TLE2: variants seen among roughly 807,000 people sequenced by gnomAD.
TLE2 encodes the protein transducin-like enhancer protein 2.
Under a neutral mutation model 97.2 loss-of-function variants are expected in TLE2, and 74 were observed. The observed-to-expected ratio is 0.76, with a 90% CI of 0.63 to 0.92. The LOEUF is 0.92. Ranked by LOEUF, TLE2 falls within the 40% of genes least tolerant of loss-of-function variation. The probability of loss-of-function intolerance (pLI) is 0.00; values close to 1 mark genes in which losing one functional copy is unlikely to be tolerated. For synonymous variants in TLE2, 499 were observed against 432.1 expected (o/e 1.15, Z -1.92); for missense variants, 1,038 against 1,008.7 (o/e 1.03, Z -0.39).
At chr19:2,998,027 T>G in intron 19 of TLE2, 72 bp from the exon 20 acceptor site, 1 of 1,117,286 alleles carries the variant, frequency 9.0e-7, no homozygotes. Context: ...TGGGCAAGGC[T>G]GGGGCGGAGT....
At chr19:3,036,851 G>A (rs1828233679) in intron 1 of TLE2, among the ~76,000 whole-genome samples, 1 of 152,156 alleles carries the variant, frequency 6.6e-6, no homozygotes, top group African/African-American at 2.4e-5. Context: ...AGACAGCCCA[G>A]CTCTCTCAGA....
intron 11 of TLE2, among the ~76,000 whole-genome samples, chr19:3,012,744 C>A (rs1260162111): frequency 6.6e-6 from 1 of 152,188 alleles, no homozygotes; most frequent in Non-Finnish European, 1.5e-5. Context: ...GCTCTGTTAT[C>A]TCGGCTTCAT....
Position 3,019,577 on chromosome 19 carries a change from G to C in TLE2, c.370-114C>G. 6.6e-7 allele frequency: 1 copy of C among 1,504,626 alleles called. No individual in the cohort carries two copies. Among genetic ancestry groups the C allele is most frequent in the Non-Finnish European group, 8.9e-7 (1 of 1,122,144 alleles). The allele number at this position is 1,504,626 out of a possible 1,614,324, so 93.2% of individuals were successfully genotyped here. ...CCTAAGCACAGCATGTGCCCCTGGG[G>C]TTCCCAGGACCACTGGAGCCAAGGC... On this transcript the variant is annotated intron_variant, in intron 6 of 19. Coordinates refer to ENST00000262953, the MANE Select transcript of TLE2 (RefSeq NM_003260.5). The surrounding 1 kb of genome is among the most constrained non-coding windows in gnomAD (Gnocchi z 5.1).
chr19:3,014,991 A>T (rs1035921993), intron 9 of TLE2, among the ~76,000 whole-genome samples: 2 of 150,254 alleles, frequency 1.3e-5, no homozygotes, highest in Non-Finnish European at 3.0e-5. Flanking sequence ...AATAAATAAA[A>T]TTCATTGCCA....
intron 8 of TLE2, among the ~76,000 whole-genome samples, chr19:3,016,818 G>T (rs541645077): frequency 6.6e-6 from 1 of 151,692 alleles, no homozygotes; most frequent in African/African-American, 2.4e-5. Flanking sequence ...TCGCTCTGTC[G>T]CCCAAGCTGG....
Position 3,008,880 on chromosome 19 carries a change from A to G in TLE2, c.1239T>C (p.Pro413=). 2.5e-6 allele frequency: 4 copies of G among 1,587,068 alleles called. No individual in the cohort carries two copies. Among genetic ancestry groups the G allele is most frequent in the Non-Finnish European group, 3.4e-6 (4 of 1,166,602 alleles). The change falls in exon 14 of 20, where the codon CCT becomes CCC. Residue 413 remains proline (P), a synonymous_variant. Transcript: ENST00000262953. ...ACCCTGGTACTCACGGCTTTCCCCCAGGGATGCTGGGTAGGGAGGAAGAGA... is the reference window on the plus strand; with the variant it reads ...ACCCTGGTACTCACGGCTTTCCCCCGGGGATGCTGGGTAGGGAGGAAGAGA... The part of the protein sequence containing the change: ...SSVSSSLPSI[P]GGKPAYSFHV...
chr19:3,036,382 C>T (rs2145226640), intron 1 of TLE2, among the ~76,000 whole-genome samples: 1 of 152,364 alleles, frequency 6.6e-6, no homozygotes, highest in East Asian at 1.9e-4. Flanking sequence ...CCCGCTCCCT[C>T]CCTGCCGGCT....
chr19:3,041,380 C>T (rs187820131), intron 1 of TLE2, among the ~76,000 whole-genome samples: 55 of 152,250 alleles, frequency 3.6e-4, no homozygotes, highest in African/African-American at 1.3e-3. Flanking sequence ...CATGGCCCTC[C>T]GAATTATGGG....
At position 2,997,650 on chromosome 19, in the gene TLE2, A is replaced by G; in HGVS notation, c.*198T>C. ...CCCGAGAGAGAAGTGCGGATGTGAT[A>G]GATACATTTTATTTCCACCGAGGTC... On this transcript the variant is annotated 3_prime_UTR_variant, in exon 20 of 20. Coordinates refer to ENST00000262953, the MANE Select transcript of TLE2 (RefSeq NM_003260.5). 1.7e-6 allele frequency: 1 copy of G among 580,296 alleles called. No homozygotes were observed. Among genetic ancestry groups the G allele is most frequent in the Non-Finnish European group, 3.1e-6 (1 of 322,566 alleles). 35.9% of individuals were successfully genotyped at this position (580,296 alleles called of 1,614,324 possible). A position where few individuals can be genotyped will look rare whatever the true frequency, so the allele number is the denominator to read the frequency against.
At chr19:2,998,605 G>A (rs1344415517) in intron 19 of TLE2, among the ~76,000 whole-genome samples, 2 of 151,992 alleles carry the variant, frequency 1.3e-5, no homozygotes, top group African/African-American at 4.8e-5. Context: ...GTAGAGACTG[G>A]GTTTCCCCAT....
chr19:3,011,022 C>G lies in TLE2; in HGVS notation c.1012G>C (p.Ala338Pro). The part of the protein sequence containing the change: ...AKPAPSTDSV[A>P]LRSPLTLSSP... ...AGGCACCAACAGGCAAGGTGCTCACCGACGCTGTCCGTGGAAGGTGCTGGC... is the reference window on the plus strand; with the variant it reads ...AGGCACCAACAGGCAAGGTGCTCACGGACGCTGTCCGTGGAAGGTGCTGGC... Residue 338 changes from alanine to proline, a missense_variant and splice_region_variant, in exon 12 of 20, where the codon GCC becomes CCC. Transcript: ENST00000262953. 1.2e-6 allele frequency: 2 copies of G among 1,602,716 alleles called. No individual in the cohort carries two copies. Among genetic ancestry groups the G allele is most frequent in the Non-Finnish European group, 1.7e-6 (2 of 1,175,846 alleles).
intron 9 of TLE2, among the ~76,000 whole-genome samples, chr19:3,015,185 G>C (rs964555334): frequency 6.6e-6 from 1 of 152,118 alleles, no homozygotes; most frequent in Non-Finnish European, 1.5e-5. Flanking sequence ...CTGTAGGTGG[G>C]AGAAGGGGCT....
Position 3,027,861 on chromosome 19 carries a change from A to G in TLE2, c.199T>C (p.Ser67Pro). 1 of 1,611,298 alleles carries G rather than the reference A, an allele frequency of 6.2e-7. No homozygotes were observed. Among genetic ancestry groups the G allele is most frequent in the Non-Finnish European group, 8.5e-7 (1 of 1,178,928 alleles). ...TGCATTTCAATGTTGAGCCCGTACGACATCTCATAATACTGCAAAGGAAAA... is the reference window on the plus strand; with the variant it reads ...TGCATTTCAATGTTGAGCCCGTACGGCATCTCATAATACTGCAAAGGAAAA... ...QRHYVMYYEM[S>P]YGLNIEMHKQ... Residue 67 changes from serine to proline, a missense_variant, in exon 4 of 20, where the codon TCG becomes CCG. Ser to Pro is a moderately conservative substitution (Grantham distance 74). Transcript: ENST00000262953.
chr19:3,043,416 A>G (rs2090119158), intron 1 of TLE2, among the ~76,000 whole-genome samples: 2 of 120,060 alleles, frequency 1.7e-5, no homozygotes, highest in African/African-American at 6.7e-5. Flanking sequence ...TAACCTCGTG[A>G]TCCGCCCGCT....
Position 3,019,857 on chromosome 19 carries a change from G to T in TLE2, c.295-84C>A. On this transcript the variant is annotated intron_variant, in intron 5 of 19. Transcript: ENST00000262953. The surrounding 1 kb of genome is among the most constrained non-coding windows in gnomAD (Gnocchi z 5.1). ...GCCCTTGGGGACCTGACCTCTCCCC[G>T]CCACCCTCTCATCTTTGCCCCGGTA... 6.7e-7 allele frequency: 1 copy of T among 1,492,856 alleles called. No individual in the cohort carries two copies. Among genetic ancestry groups the T allele is most frequent in the Non-Finnish European group, 9.1e-7 (1 of 1,103,886 alleles). The allele number at this position is 1,492,856 out of a possible 1,614,324, so 92.5% of individuals were successfully genotyped here.
intron 14 of TLE2, 115 bp from the exon 15 acceptor site, chr19:3,006,784 T>A: frequency 4.2e-6 from 6 of 1,425,732 alleles, no homozygotes; most frequent in Non-Finnish European, 4.6e-6. Context: ...TGTTTTTTAT[T>A]TTTTGTTTTG....
intron 14 of TLE2, among the ~76,000 whole-genome samples, chr19:3,007,935 A>C (rs963241240): frequency 2.0e-5 from 3 of 151,996 alleles, no homozygotes; most frequent in Non-Finnish European, 4.4e-5. Flanking sequence ...AAATACAAAA[A>C]TTAGCCGGCG....
At chr19:3,009,860 C>T (rs2089555834) in intron 12 of TLE2, among the ~76,000 whole-genome samples, 158 bp from the exon 13 acceptor site, 1 of 149,356 alleles carries the variant, frequency 6.7e-6, no homozygotes, top group Admixed American at 6.8e-5. Context: ...ACTATCGTTC[C>T]TCCAGTGGAC....
At chr19:3,014,803 G>A (rs1193395682) in intron 9 of TLE2, among the ~76,000 whole-genome samples, 189 bp from the exon 10 acceptor site, 1 of 152,034 alleles carries the variant, frequency 6.6e-6, no homozygotes, top group African/African-American at 2.4e-5. Context: ...GAAGGATGTG[G>A]GGAGGCAGGG....
Sources: gnomAD v4.1 joint callset for allele counts (sites outside exome capture counted in the v4.1 genomes callset) on GRCh38, gnomAD v4.1.1 for gene constraint, Gnocchi (gnomAD v3.1) non-coding constraint, MANE v1.5 for transcripts, NCBI Gene and HGNC (gene_info 2026-07-23, HGNC 2026-07-21) for gene names.